CNTN4: variants seen among roughly 807,000 people sequenced by gnomAD.
CNTN4 encodes the protein contactin-4.
A neutral mutation model predicts 122.5 loss-of-function variants in CNTN4; 77 were observed. The observed-to-expected ratio is 0.63, with a 90% CI of 0.52 to 0.76. The LOEUF (loss-of-function observed/expected upper bound fraction) is 0.76, where lower values mean the gene tolerates loss of function less well. Among genes scored for constraint, CNTN4 ranks in the 30% least tolerant of loss-of-function variants. The probability of loss-of-function intolerance (pLI) is 0.00; values close to 1 mark genes in which losing one functional copy is unlikely to be tolerated. For missense variants in CNTN4, 1,256 were observed against 1,259.1 expected (o/e 1.00, Z 0.04); for synonymous variants, 512 against 447.0 (o/e 1.15, Z -1.83).
chr3:2,503,631 G>A (rs2076655512), intron 3 of CNTN4, among the ~76,000 whole-genome samples: 1 of 152,078 alleles, frequency 6.6e-6, no homozygotes, highest in African/African-American at 2.4e-5. Context: ...ATACCAGGCT[G>A]TCTGACTCTA....
intron 3 of CNTN4, among the ~76,000 whole-genome samples, chr3:2,493,571 T>C (rs185920920): frequency 9.4e-4 from 142 of 151,656 alleles, no homozygotes; most frequent in South Asian, 2.5e-3. Context: ...ATAGTTTTAT[T>C]GTTGGTTTGA....
chr3:2,295,529 G>T (rs2042278971), intron 2 of CNTN4, among the ~76,000 whole-genome samples: 1 of 151,680 alleles, frequency 6.6e-6, no homozygotes, highest in African/African-American at 2.4e-5. Flanking sequence ...GGGGTTGTTT[G>T]TTTTTTTCTT....
rs774600490 is a variant in CNTN4, at chr3:3,053,924, G to A, written c.2929G>A (p.Asp977Asn). 1.2e-5 allele frequency: 20 copies of A among 1,614,024 alleles called. No homozygotes were observed. Among genetic ancestry groups the A allele is most frequent in the South Asian group, 2.2e-5 (2 of 91,086 alleles). The part of the protein sequence containing the change: ...DYIIEIKPFS[D>N]GGDGSSSEQI... ...TATAATAGAAATTAAGCCATTCAGC[G>A]ACGGAGGAGATGGCAGCAGCAGTGA... Residue 977 changes from aspartate to asparagine, a missense_variant, in exon 24 of 25, where the codon GAC (aspartate) becomes AAC (asparagine). Transcript: ENST00000418658.
In CNTN4 at chr3:2,451,697, CTTGAG is replaced by C. The variant is rs1410668854; in HGVS notation, c.-89+112467_-89+112471del. ...CATATTTTCTTTAGTGTGTATATTTCTTGAGTTTTTTGCGCTGATGAAGTAAGTAT... is the reference window on the plus strand; with the variant it reads ...CATATTTTCTTTAGTGTGTATATTTCTTTTTTGCGCTGATGAAGTAAGTAT... On this transcript the variant is annotated intron_variant, in intron 3 of 24. Transcript: ENST00000418658. Among the ~76,000 whole-genome samples, 3 of 151,932 alleles carry C rather than the reference CTTGAG, an allele frequency of 2.0e-5. 1 individual carries two copies. The South Asian group carries it at 6.2e-4, about 31-fold the overall frequency.
intron 3 of CNTN4, among the ~76,000 whole-genome samples, chr3:2,435,472 A>G (rs1323169764): frequency 2.0e-5 from 3 of 152,122 alleles, no homozygotes; most frequent in Non-Finnish European, 4.4e-5. Flanking sequence ...CAACCATCCA[A>G]CTTTTTCCAA....
At chr3:2,929,444 C>G (rs564303781) in intron 13 of CNTN4, among the ~76,000 whole-genome samples, 1 of 152,166 alleles carries the variant, frequency 6.6e-6, no homozygotes, top group African/African-American at 2.4e-5. Flanking sequence ...TTATAAGGAG[C>G]TATACAACAA....
chr3:2,619,304 C>G (rs1250106947), intron 4 of CNTN4, among the ~76,000 whole-genome samples: 1 of 152,216 alleles, frequency 6.6e-6, no homozygotes, highest in East Asian at 1.9e-4. Context: ...TTGCTACCAG[C>G]TGGCCTATGA....
intron 2 of CNTN4, among the ~76,000 whole-genome samples, chr3:2,186,185 G>T (rs1357433008): frequency 1.3e-5 from 2 of 151,308 alleles, no homozygotes; most frequent in African/African-American, 2.4e-5. Flanking sequence ...GCAGTGTTTG[G>T]TTTTTTGTCC....
At chr3:2,626,451 C>A (rs551139606) in intron 4 of CNTN4, among the ~76,000 whole-genome samples, 1 of 150,764 alleles carries the variant, frequency 6.6e-6, no homozygotes, top group Non-Finnish European at 1.5e-5. Context: ...GAGCCGAGAT[C>A]GCGCCACCGC....
chr3:2,405,634 GATA>G (rs2150996646), intron 3 of CNTN4, among the ~76,000 whole-genome samples: 1 of 151,334 alleles, frequency 6.6e-6, no homozygotes, highest in South Asian at 2.1e-4. Context: ...TAGATAGATA[GATA>G]GGAGTCAAGG....
chr3:2,171,125 C>G (rs1446475806), intron 2 of CNTN4, among the ~76,000 whole-genome samples: 1 of 152,122 alleles, frequency 6.6e-6, no homozygotes, highest in Non-Finnish European at 1.5e-5. Context: ...TTTATAAACA[C>G]AAAGTCATAT....
chr3:2,263,216 G>A (rs1404004001), intron 2 of CNTN4, among the ~76,000 whole-genome samples: 1 of 152,054 alleles, frequency 6.6e-6, no homozygotes, highest in Non-Finnish European at 1.5e-5. Context: ...AAACACTGTT[G>A]CTGGGTAGAT....
In CNTN4 at chr3:2,294,288, C is replaced by CTTTTTTTTTT. The variant is rs71058604; in HGVS notation, c.-144-44884_-144-44875dup. On this transcript the variant is annotated intron_variant, in intron 2 of 24. Transcript: ENST00000418658. ...CAAAGGAAAGGCAGAAGAGTTGTGA[C>CTTTTTTTTTT]TTTTTTTTTTTTTTTACTGAATACC... Among the ~76,000 whole-genome samples the CTTTTTTTTTT allele has an allele frequency of 5.3e-4, 72 of 135,596 alleles. 1 individual carries two copies. Among genetic ancestry groups the CTTTTTTTTTT allele is most frequent in the African/African-American group, 1.9e-3 (69 of 36,862 alleles). The allele number at this position is 135,596 out of a possible 152,430, so 89.0% of individuals were successfully genotyped here. A position where few individuals can be genotyped will look rare whatever the true frequency, so the allele number is the denominator to read the frequency against.
At chr3:2,384,673 A>G (rs941179797) in intron 3 of CNTN4, among the ~76,000 whole-genome samples, 1 of 152,094 alleles carries the variant, frequency 6.6e-6, no homozygotes, top group African/African-American at 2.4e-5. Context: ...GGACTCTCAC[A>G]TCTCCCATGC....
At chr3:2,119,344 G>A (rs951503991) in intron 2 of CNTN4, among the ~76,000 whole-genome samples, 1 of 152,158 alleles carries the variant, frequency 6.6e-6, no homozygotes, top group Non-Finnish European at 1.5e-5. Context: ...TTTTGTTTCT[G>A]TGGAGAACCC....
intron 13 of CNTN4, among the ~76,000 whole-genome samples, chr3:2,932,152 C>T (rs1228858599): frequency 9.9e-5 from 15 of 152,002 alleles, no homozygotes; most frequent in South Asian, 2.1e-4. Context: ...TCGAGGCAGG[C>T]GGATCACGAG....
At chr3:2,924,939 A>G (rs2094459205) in intron 12 of CNTN4, among the ~76,000 whole-genome samples, 1 of 123,672 alleles carries the variant, frequency 8.1e-6, no homozygotes, top group East Asian at 3.6e-4. Context: ...AACCTACACA[A>G]TTAAAAAAAA....
chr3:2,867,773 C>G (rs553756819), intron 8 of CNTN4, among the ~76,000 whole-genome samples: 1 of 152,068 alleles, frequency 6.6e-6, no homozygotes, highest in South Asian at 2.1e-4. Flanking sequence ...TGTATCGAGT[C>G]TACGACCATA....
In CNTN4 at chr3:2,203,830, CT is replaced by C. The variant is rs889098362; in HGVS notation, c.-145+103195del. On this transcript the variant is annotated intron_variant, in intron 2 of 24. Transcript: ENST00000418658. ...TGTCCAAACCAGATCAATAACACTC[CT>C]TTTGGTAGAAGCCAGTAAACAGAAT... Among the ~76,000 whole-genome samples, 13 of 152,254 alleles carry C rather than the reference CT, an allele frequency of 8.5e-5. No homozygotes were observed. The South Asian group carries it at 2.5e-3, about 29-fold the overall frequency.
Sources: allele counts gnomAD v4.1 joint callset (sites outside exome capture counted in the v4.1 genomes callset), GRCh38; gene constraint gnomAD v4.1.1; transcripts MANE v1.5; gene names NCBI Gene and HGNC (gene_info 2026-07-23, HGNC 2026-07-21).